The following TRPM2 variants were observed in gnomAD, a reference collection of about 807,000 sequenced individuals.
TRPM2 encodes the protein transient receptor potential cation channel subfamily M member 2.
In TRPM2, 161 loss-of-function variants were observed where a neutral mutation model predicts 174.0. That is an observed-to-expected ratio of 0.93 (90% CI 0.81 to 1.05). The LOEUF is 1.05. Ranked by LOEUF, TRPM2 falls within the 50% of genes least tolerant of loss-of-function variation. The probability of loss-of-function intolerance (pLI) is 0.00; values close to 1 mark genes in which losing one functional copy is unlikely to be tolerated. For missense variants in TRPM2, 2,057 were observed against 2,038.0 expected, an observed-to-expected ratio of 1.01 and a Z score of -0.18; for synonymous variants, 954 against 861.3, an observed-to-expected ratio of 1.11 and a Z score of -1.88.
intron 12 of TRPM2, among the ~76,000 whole-genome samples, chr21:44,396,587 G>C (rs2049417527): frequency 2.3e-5 from 1 of 42,564 alleles, no homozygotes; most frequent in East Asian, 7.2e-4. Flanking sequence ...CTGTGGAGGG[G>C]TGTAGAGGGG....
chr21:44,365,007 G>T (rs1336565104), intron 3 of TRPM2, among the ~76,000 whole-genome samples: 1 of 148,866 alleles, frequency 6.7e-6, no homozygotes, highest in Non-Finnish European at 1.5e-5. Context: ...CTCGCGTGTT[G>T]ACCAGCCTTT....
intron 21 of TRPM2, 52 bp downstream of exon 21, chr21:44,418,160 G>A (rs757388096): frequency 5.7e-5 from 90 of 1,569,494 alleles, no homozygotes; most frequent in Non-Finnish European, 7.5e-5. Context: ...CGGGTGCAGA[G>A]GGGGTGGAGA....
intron 16 of TRPM2, among the ~76,000 whole-genome samples, chr21:44,404,118 T>G (rs1301064601): frequency 6.6e-6 from 1 of 151,030 alleles, no homozygotes; most frequent in Non-Finnish European, 1.5e-5. Context: ...TATGCACACA[T>G]GAATGAACAT....
chr21:44,437,071 G>T lies in TRPM2; in HGVS notation c.4071G>T (p.Arg1357=). ...TLYPMVTRWR[R]NEDGAICRKS... Reference sequence around the variant, plus strand: ...GCCGCTCTCTCCGCAGGTGGAGGCGGAACGAGGATGGAGCCATCTGCAGGA... The same window carrying T: ...GCCGCTCTCTCCGCAGGTGGAGGCGTAACGAGGATGGAGCCATCTGCAGGA... Residue 1357 remains arginine (R), a synonymous_variant, in exon 29 of 32, where the codon CGG becomes CGT. Coordinates refer to ENST00000397928, the MANE Select transcript of TRPM2 (RefSeq NM_003307.4). 6.4e-7 allele frequency: 1 copy of T among 1,550,634 alleles called. No individual in the cohort carries two copies. The highest frequency in any genetic ancestry group is 8.7e-7 in the Non-Finnish European group (1 of 1,146,834).
At chr21:44,351,983 G>A (rs2122998813), upstream of TRPM2, among the ~76,000 whole-genome samples, 1 of 152,334 alleles carries the variant, frequency 6.6e-6, no homozygotes, top group East Asian at 1.9e-4. Context: ...TCTGATGCTG[G>A]GGTCTTCGTT....
chr21:44,362,659 G>A (rs1329643979), intron 2 of TRPM2, among the ~76,000 whole-genome samples: 1 of 152,026 alleles, frequency 6.6e-6, no homozygotes, highest in Non-Finnish European at 1.5e-5. Context: ...TCCTTTTCTT[G>A]TTTCCTTTCT....
In TRPM2 at chr21:44,435,119, T is replaced by A. The variant is rs1435306724; in HGVS notation, c.3975-12T>A. 1.2e-6 allele frequency: 2 copies of A among 1,610,896 alleles called. No individual in the cohort carries two copies. On this transcript the variant is annotated splice_polypyrimidine_tract_variant and intron_variant, in intron 27 of 31. Coordinates refer to ENST00000397928, the MANE Select transcript of TRPM2 (RefSeq NM_003307.4). ...GTGGACGGTGGACTGACTCAACCCCTCTGCATCCCAGGAACCCCATGGGCC... is the reference window on the plus strand; with the variant it reads ...GTGGACGGTGGACTGACTCAACCCCACTGCATCCCAGGAACCCCATGGGCC...
At chr21:44,369,134 C>G in intron 4 of TRPM2, 43 bp from the exon 5 acceptor site, 1 of 1,524,344 alleles carries the variant, frequency 6.6e-7, no homozygotes, top group South Asian at 1.2e-5. Flanking sequence ...TGTCAGGTGC[C>G]CCTCAGTGCT....
Position 44,439,039 on chromosome 21 carries a change from G to T in TRPM2, c.4168-28G>T. 2 of 1,598,642 alleles carry T rather than the reference G, an allele frequency of 1.3e-6. No individual in the cohort carries two copies. Among genetic ancestry groups the T allele is most frequent in the South Asian group, 1.1e-5 (1 of 90,580 alleles). On this transcript the variant is annotated intron_variant, in intron 29 of 31. Coordinates refer to ENST00000397928, the MANE Select transcript of TRPM2 (RefSeq NM_003307.4). This position sits in a 1 kb window ranked among gnomAD's most constrained non-coding sequence, Gnocchi z 5.1. ...TGAGGTCCCGCTTCGGTGCCCTGTT[G>T]ACCTGCCTCCGTCCTCTGTCTGTCC...
At chr21:44,401,965 A>T in intron 16 of TRPM2, 68 bp downstream of exon 16, 4 of 1,571,486 alleles carry the variant, frequency 2.5e-6, no homozygotes, top group Non-Finnish European at 3.5e-6. Context: ...CTCATAGGGG[A>T]CCCATGGCTT....
chr21:44,382,655 G>A, intron 8 of TRPM2, 63 bp from the exon 9 acceptor site: 1 of 1,532,562 alleles, frequency 6.5e-7, no homozygotes, highest in Non-Finnish European at 8.9e-7. Flanking sequence ...AATTCTATGT[G>A]TCCTGGAGGA....
rs1418380957 is a variant in TRPM2, at chr21:44,399,157, G to A, written c.2063-139G>A. 4 of 1,161,732 alleles carry A rather than the reference G, an allele frequency of 3.4e-6. No individual in the cohort carries two copies. The Admixed American group carries it at 1.1e-4, about 32-fold the overall frequency. The allele number at this position is 1,161,732 out of a possible 1,614,324, so 72.0% of individuals were successfully genotyped here. Reference sequence around the variant, plus strand: ...CCTCGTCCCTGGGCCTGGGTGTTTTGAGACACCAGCCCCACATTTGCCCTG... The same window carrying A: ...CCTCGTCCCTGGGCCTGGGTGTTTTAAGACACCAGCCCCACATTTGCCCTG... On this transcript the variant is annotated intron_variant, in intron 13 of 31. Transcript: ENST00000397928. The surrounding 1 kb of genome is among the most constrained non-coding windows in gnomAD (Gnocchi z 4.6).
chr21:44,407,988 C>T (rs2049963391), intron 19 of TRPM2, among the ~76,000 whole-genome samples: 1 of 151,564 alleles, frequency 6.6e-6, no homozygotes, highest in South Asian at 2.1e-4. Context: ...GAGAGGGAGT[C>T]AGGCCAAAGT....
Position 44,379,047 on chromosome 21 carries a change from C to T in TRPM2, c.1065C>T (p.Gly355=). Residue 355 remains glycine, a synonymous_variant, in exon 8 of 32, where the codon GGC becomes GGT. Coordinates refer to ENST00000397928, the MANE Select transcript of TRPM2 (RefSeq NM_003307.4). ...TNGTPCVVVE[G]SGRVADVIAQ... is the part of the protein sequence containing the mutation. ...GCACCCCCTGTGTGGTTGTGGAGGGCTCGGGCCGCGTGGCCGACGTCATTG... is the reference window on the plus strand; with the variant it reads ...GCACCCCCTGTGTGGTTGTGGAGGGTTCGGGCCGCGTGGCCGACGTCATTG... 1.2e-6 allele frequency: 2 copies of T among 1,610,844 alleles called. No homozygotes were observed. Among genetic ancestry groups the T allele is most frequent in the Non-Finnish European group, 8.5e-7 (1 of 1,180,008 alleles).
chr21:44,406,531 C>G, intron 18 of TRPM2, 63 bp from the exon 19 acceptor site: 2 of 1,531,728 alleles, frequency 1.3e-6, no homozygotes, highest in Non-Finnish European at 1.8e-6. Flanking sequence ...GCTGGGCCTG[C>G]CTCTGGGCCC....
chr21:44,401,927 A>C (rs763616002), intron 16 of TRPM2, 30 bp downstream of exon 16: 2 of 1,611,324 alleles, frequency 1.2e-6, no homozygotes, highest in Non-Finnish European at 8.5e-7. Flanking sequence ...TCCACGCCCC[A>C]GCCCGGGGCC....
rs185046447 is a variant in TRPM2 at position 44,372,922 on chromosome 21, C to T, written c.772-2911C>T. 1.3e-3 allele frequency among the ~76,000 whole-genome samples: 191 copies of T among 152,256 alleles called. 1 individual carries two copies. Among genetic ancestry groups the T allele is most frequent in the Non-Finnish European group, 8.4e-4 (57 of 68,028 alleles). On this transcript the variant is annotated intron_variant, in intron 5 of 31. Coordinates refer to ENST00000397928, the MANE Select transcript of TRPM2 (RefSeq NM_003307.4). ...TGCTTGAAGATTTTAAGGAGTCTGA[C>T]GACCTTTCATTTTATCCCGTCTCTG...
chr21:44,419,818 G>GTGGTGGTGGTGA (rs1253932151), intron 22 of TRPM2, among the ~76,000 whole-genome samples: 4 of 151,570 alleles, frequency 2.6e-5, no homozygotes, highest in Non-Finnish European at 4.4e-5. Context: ...GTTGGCAGTG[G>GTGGTGGTGGTGA]TGGTGGTGGT....
At chr21:44,405,077 CA>C in intron 16 of TRPM2, 64 bp from the exon 17 acceptor site, 5 of 1,599,168 alleles carry the variant, frequency 3.1e-6, no homozygotes, top group Non-Finnish European at 4.3e-6. Flanking sequence ...AGTGATGTGA[CA>C]GTGACAGTGA....
Sources: allele counts gnomAD v4.1 joint callset (sites outside exome capture counted in the v4.1 genomes callset), GRCh38; gene constraint gnomAD v4.1.1; non-coding constraint Gnocchi (gnomAD v3.1); transcripts MANE v1.5; gene names NCBI Gene and HGNC (gene_info 2026-07-23, HGNC 2026-07-21).